The following STIM1 variants were observed in gnomAD, a reference collection of about 807,000 sequenced individuals.
The protein encoded by STIM1 is stromal interaction molecule 1.
STIM1 carries 25 observed loss-of-function variants against 74.7 expected under a neutral mutation model. The observed-to-expected ratio is 0.33, with a 90% CI of 0.24 to 0.47. The LOEUF (loss-of-function observed/expected upper bound fraction) is 0.47, where lower values mean the gene tolerates loss of function less well. Ranked by LOEUF, STIM1 falls within the 20% of genes least tolerant of loss-of-function variation. STIM1 has a pLI of 1.00. For missense variants in STIM1, 728 were observed against 920.8 expected (o/e 0.79, Z 2.71); for synonymous variants, 328 against 348.8 (o/e 0.94, Z 0.66).
intron 1 of STIM1, among the ~76,000 whole-genome samples, chr11:3,931,557 C>T (rs61897164): frequency 0.045 from 6,795 of 152,168 alleles, 266 homozygotes; most frequent in East Asian, 0.18. Context: ...TCTGTCAAGC[C>T]GACAGGACAT....
intron 2 of STIM1, among the ~76,000 whole-genome samples, chr11:3,999,230 C>T (rs534100188): frequency 1.1e-4 from 16 of 152,222 alleles, no homozygotes; most frequent in South Asian, 4.2e-4. Flanking sequence ...CCAAGCTACT[C>T]GGGAGGCTGA....
chr11:3,933,795 G>A (rs1434038454), intron 1 of STIM1, among the ~76,000 whole-genome samples: 1 of 152,118 alleles, frequency 6.6e-6, no homozygotes, highest in African/African-American at 2.4e-5. Context: ...CTCTAAATTT[G>A]GTGGGCTGCT....
Position 3,913,608 on chromosome 11 carries a change from G to A in STIM1, c.140-53944G>A, listed in dbSNP as rs189416171. 2.3e-3 allele frequency among the ~76,000 whole-genome samples: 352 copies of A among 152,224 alleles called. 3 individuals are homozygous for A. Among genetic ancestry groups the A allele is most frequent in the Non-Finnish European group, 3.4e-3 (229 of 68,010 alleles). On this transcript the variant is annotated intron_variant, in intron 1 of 12. Coordinates refer to ENST00000526596, the MANE Select transcript of STIM1 (RefSeq NM_001382567.1). ...ATTCCTGATGCCTGGATGATTCCCT[G>A]AACTCTCTCATATACTTAAAGACAT...
At chr11:3,895,632 TTCTTTC>T (rs2092053963) in intron 1 of STIM1, among the ~76,000 whole-genome samples, 1 of 6,332 alleles carries the variant, frequency 1.6e-4, no homozygotes, top group South Asian at 0.014. Flanking sequence ...CTTTCTTTCT[TTCTTTC>T]TTTCTTTCTT....
At chr11:4,059,251 G>A in intron 4 of STIM1, 30 bp from the exon 5 acceptor site, 1 of 1,586,986 alleles carries the variant, frequency 6.3e-7, no homozygotes, top group Non-Finnish European at 8.7e-7. Flanking sequence ...TACTGGGAGG[G>A]AACTGATCTG....
intron 2 of STIM1, among the ~76,000 whole-genome samples, chr11:4,003,872 T>G (rs1270254198): frequency 6.6e-6 from 1 of 152,180 alleles, no homozygotes; most frequent in South Asian, 2.1e-4. Context: ...CTTAAGCTGA[T>G]AAGCAACTTC....
chr11:3,899,990 T>C (rs2092305837), intron 1 of STIM1, among the ~76,000 whole-genome samples: 1 of 152,172 alleles, frequency 6.6e-6, no homozygotes, highest in South Asian at 2.1e-4. Flanking sequence ...TTTTTGGTTG[T>C]GTCTCTGCCC....
At chr11:3,934,672 T>C (rs2135575234) in intron 1 of STIM1, among the ~76,000 whole-genome samples, 1 of 152,364 alleles carries the variant, frequency 6.6e-6, no homozygotes, top group Non-Finnish European at 1.5e-5. Context: ...AAATCAAAAG[T>C]AGATGATTGT....
intron 1 of STIM1, among the ~76,000 whole-genome samples, chr11:3,920,153 G>A (rs916628986): frequency 2.6e-5 from 4 of 151,210 alleles, no homozygotes; most frequent in Non-Finnish European, 5.9e-5. Context: ...TAGAGATGGG[G>A]TCTTGCCATA....
intron 3 of STIM1, among the ~76,000 whole-genome samples, chr11:4,050,199 T>A (rs10835540): frequency 0.24 from 37,074 of 152,078 alleles, 5,692 homozygotes; most frequent in South Asian, 0.45. Flanking sequence ...AAAGATGGAA[T>A]GTATTGATTG....
At position 3,876,632 on chromosome 11, in the gene STIM1, C is replaced by G. The variant is rs528440240; in HGVS notation, c.139+20223C>G. 8.5e-5 allele frequency among the ~76,000 whole-genome samples: 13 copies of G among 152,258 alleles called. No individual in the cohort carries two copies. In the East Asian group the frequency reaches 2.5e-3, roughly 29 times the overall value. On this transcript the variant is annotated intron_variant, in intron 1 of 12. Coordinates refer to ENST00000526596, the MANE Select transcript of STIM1 (RefSeq NM_001382567.1). Reference sequence around the variant, plus strand: ...CTGTGTTGCCCAGGCTGGTCTCGAACTCCTGGGCTCAAGTGATCCTCCTGC... The same window carrying G: ...CTGTGTTGCCCAGGCTGGTCTCGAAGTCCTGGGCTCAAGTGATCCTCCTGC...
At chr11:4,048,145 G>A (rs551840999) in intron 3 of STIM1, among the ~76,000 whole-genome samples, 52 of 152,222 alleles carry the variant, frequency 3.4e-4, no homozygotes, top group African/African-American at 1.2e-3. Flanking sequence ...AAAGAAAAAA[G>A]ATATGGATCT....
chr11:4,059,722 T>C (rs1297774815), intron 5 of STIM1, among the ~76,000 whole-genome samples: 1 of 152,110 alleles, frequency 6.6e-6, no homozygotes, highest in East Asian at 1.9e-4. Flanking sequence ...GAGGCCCAGA[T>C]GAGGGCTAGT....
intron 5 of STIM1, among the ~76,000 whole-genome samples, chr11:4,067,338 G>A (rs2094374313): frequency 6.6e-6 from 1 of 152,176 alleles, no homozygotes; most frequent in Non-Finnish European, 1.5e-5. Context: ...TTAATCTTAA[G>A]GCCTGGTTAT....
At chr11:3,899,937 T>A (rs1323122630) in intron 1 of STIM1, among the ~76,000 whole-genome samples, 1 of 152,058 alleles carries the variant, frequency 6.6e-6, no homozygotes, top group African/African-American at 2.4e-5. Flanking sequence ...TATTGAGGAT[T>A]TTTGCATCAA....
intron 2 of STIM1, among the ~76,000 whole-genome samples, chr11:4,016,343 C>G (rs11030627): frequency 0.27 from 40,855 of 152,074 alleles, 6,116 homozygotes; most frequent in South Asian, 0.46. Context: ...GAGGTCCACT[C>G]CAGACCCTGT....
intron 2 of STIM1, among the ~76,000 whole-genome samples, chr11:3,978,688 G>A (rs2093473461): frequency 1.3e-5 from 2 of 152,018 alleles, no homozygotes; most frequent in African/African-American, 2.4e-5. Flanking sequence ...CTGAACCCCA[G>A]GGAGGCGGAG....
intron 5 of STIM1, 63 bp downstream of exon 5, chr11:4,059,459 A>T (rs2094315412): frequency 2.2e-6 from 3 of 1,347,870 alleles, no homozygotes; most frequent in Non-Finnish European, 3.2e-6. Flanking sequence ...TGTAGTGGAT[A>T]GGCTAAGGCT....
chr11:3,926,367 A>G (rs573708027), intron 1 of STIM1, among the ~76,000 whole-genome samples: 1 of 152,232 alleles, frequency 6.6e-6, no homozygotes, highest in Non-Finnish European at 1.5e-5. Flanking sequence ...TAGTCAGTAC[A>G]GTTAACATTG....
Sources: gnomAD v4.1 joint callset for allele counts (sites outside exome capture counted in the v4.1 genomes callset) on GRCh38, gnomAD v4.1.1 for gene constraint, MANE v1.5 for transcripts, NCBI Gene and HGNC (gene_info 2026-07-23, HGNC 2026-07-21) for gene names.